Variants in MTHFD1L observed in about 807,000 individuals in gnomAD.
MTHFD1L encodes the protein monofunctional C1-tetrahydrofolate synthase, mitochondrial.
MTHFD1L carries 81 observed loss-of-function variants against 119.5 expected under a neutral mutation model. The ratio of observed to expected loss-of-function variants is 0.68; its 90% CI spans 0.57 to 0.82. The LOEUF (loss-of-function observed/expected upper bound fraction) is 0.82. Among genes scored for constraint, MTHFD1L ranks in the 40% least tolerant of loss-of-function variants. The probability of loss-of-function intolerance (pLI) is 0.00; values close to 1 mark genes in which losing one functional copy is unlikely to be tolerated. For synonymous variants in MTHFD1L, 430 were observed against 475.2 expected (o/e 0.90, Z 1.24); for missense variants, 1,125 against 1,253.4 (o/e 0.90, Z 1.55).
intron 26 of MTHFD1L, among the ~76,000 whole-genome samples, chr6:151,038,257 G>A (rs1396435761): frequency 6.6e-6 from 1 of 152,112 alleles, no homozygotes; most frequent in African/African-American, 2.4e-5. Flanking sequence ...TTATGCCTGG[G>A]GTAGAACTTA....
chr6:150,926,069 G>A lies in MTHFD1L; in HGVS notation c.1083-53G>A. 3 of 1,525,018 alleles carry A rather than the reference G, an allele frequency of 2.0e-6. No individual in the cohort carries two copies. In the Admixed American group the frequency reaches 5.6e-5, roughly 29 times the overall value. 94.5% of individuals were successfully genotyped at this position (1,525,018 alleles called of 1,614,324 possible). A position where few individuals can be genotyped will look rare whatever the true frequency, so the allele number is the denominator to read the frequency against. On this transcript the variant is annotated intron_variant, in intron 10 of 27. Transcript: ENST00000367321. The surrounding 1 kb of genome is among the most constrained non-coding windows in gnomAD (Gnocchi z 4.3). ...GTGTGGCTGTTTTCACTCCAGTTGT[G>A]ACCACCTAAGCTGAGAAGCCTTTTC...
intron 26 of MTHFD1L, among the ~76,000 whole-genome samples, chr6:151,049,263 A>G (rs560233224): frequency 1.6e-4 from 25 of 152,302 alleles, no homozygotes; most frequent in Non-Finnish European, 2.4e-4. Flanking sequence ...AGGCCGAGGC[A>G]GGCAGATCAC....
chr6:151,049,032 C>T (rs1788556307), intron 26 of MTHFD1L, among the ~76,000 whole-genome samples: 1 of 152,202 alleles, frequency 6.6e-6, no homozygotes, highest in East Asian at 1.9e-4. Context: ...AAATCCAGGC[C>T]ATGCATACTT....
chr6:150,909,497 C>T (rs1301157248), intron 8 of MTHFD1L, among the ~76,000 whole-genome samples: 1 of 152,164 alleles, frequency 6.6e-6, no homozygotes, highest in East Asian at 1.9e-4. Context: ...CCCGCCTCCA[C>T]CTCCAAAAAG....
chr6:150,958,362 A>G (rs1475880778), intron 17 of MTHFD1L, among the ~76,000 whole-genome samples: 1 of 152,190 alleles, frequency 6.6e-6, no homozygotes, highest in Non-Finnish European at 1.5e-5. Flanking sequence ...TTGCAGTTTC[A>G]GGCTATCACA....
At chr6:151,051,917 G>A (rs1381211509) in intron 26 of MTHFD1L, among the ~76,000 whole-genome samples, 1 of 152,250 alleles carries the variant, frequency 6.6e-6, no homozygotes, top group African/African-American at 2.4e-5. Flanking sequence ...GAGGCGGGAG[G>A]CCTGGAGAGG....
intron 17 of MTHFD1L, among the ~76,000 whole-genome samples, chr6:150,958,378 G>A (rs1795947200): frequency 1.3e-5 from 2 of 152,120 alleles, no homozygotes; most frequent in South Asian, 4.1e-4. Flanking sequence ...TCACAAGTAA[G>A]CTGTAGTAAG....
At chr6:150,867,794 CTT>C (rs35396368) in intron 1 of MTHFD1L, among the ~76,000 whole-genome samples, 12 of 115,912 alleles carry the variant, frequency 1.0e-4, no homozygotes, top group South Asian at 5.6e-4. Flanking sequence ...CATACATATT[CTT>C]TTTTTTTTTT....
chr6:150,999,564 GAATTT>G (rs1369192519), intron 20 of MTHFD1L, among the ~76,000 whole-genome samples: 1 of 152,106 alleles, frequency 6.6e-6, no homozygotes, highest in African/African-American at 2.4e-5. Context: ...ATGGATTTAT[GAATTT>G]AATTCTGATG....
chr6:150,877,220 T>A (rs913665457), intron 2 of MTHFD1L, among the ~76,000 whole-genome samples: 2 of 152,052 alleles, frequency 1.3e-5, no homozygotes, highest in African/African-American at 2.4e-5. Context: ...GCCGGGCTAA[T>A]GTTTGTATTT....
chr6:150,972,404 A>G (rs1798104133), intron 20 of MTHFD1L, among the ~76,000 whole-genome samples: 1 of 152,224 alleles, frequency 6.6e-6, no homozygotes, highest in African/African-American at 2.4e-5. Flanking sequence ...TAGGGTTGTT[A>G]TGAAAACTGA....
intron 21 of MTHFD1L, among the ~76,000 whole-genome samples, chr6:151,013,109 A>G (rs988659355): frequency 2.6e-5 from 4 of 152,208 alleles, no homozygotes; most frequent in Non-Finnish European, 5.9e-5. Flanking sequence ...GGCCAGGCAC[A>G]GTGTTTCACC....
At chr6:151,000,287 AGATCGT>A (rs1780425639) in intron 20 of MTHFD1L, among the ~76,000 whole-genome samples, 1 of 151,398 alleles carries the variant, frequency 6.6e-6, no homozygotes, top group Admixed American at 6.6e-5. Context: ...CAGTGAGCCG[AGATCGT>A]GCCACTGCAC....
At chr6:150,931,867 A>G (rs1301455139) in intron 11 of MTHFD1L, among the ~76,000 whole-genome samples, 1 of 152,228 alleles carries the variant, frequency 6.6e-6, no homozygotes, top group Non-Finnish European at 1.5e-5. Context: ...CATCTTTAAA[A>G]AGACATCATT....
In MTHFD1L at chr6:150,866,036, G is replaced by C; in HGVS notation, c.214G>C (p.Asp72His). 6.9e-7 allele frequency: 1 copy of C among 1,453,046 alleles called. No homozygotes were observed. The highest frequency in any genetic ancestry group is 9.0e-7 in the Non-Finnish European group (1 of 1,109,978). The allele number at this position is 1,453,046 out of a possible 1,614,324, so 90.0% of individuals were successfully genotyped here. ...CGGCGGCCGAACGCCCGCGGCGCGGGACTCCATCGTCAGGTGAGTGTCGGG... is the reference window on the plus strand; with the variant it reads ...CGGCGGCCGAACGCCCGCGGCGCGGCACTCCATCGTCAGGTGAGTGTCGGG... The part of the protein sequence containing the change: ...SPGGRTPAAR[D>H]SIVREVIQNS... The change falls in exon 1 of 28, where the codon GAC (aspartate) becomes CAC (histidine). Residue 72 changes from aspartate (D) to histidine (H), a missense_variant. Physicochemically the swap from Asp to His is moderately conservative, Grantham distance 81 (BLOSUM62 -1). This residue lies in a region of MTHFD1L where 1,058 missense variants were observed against 1,151.2 expected (regional missense o/e 0.92). Coordinates refer to ENST00000367321, the MANE Select transcript of MTHFD1L (RefSeq NM_015440.5).
In MTHFD1L at chr6:150,944,501, A is replaced by T; in HGVS notation, c.1456A>T (p.Thr486Ser). Residue 486 changes from threonine to serine, a missense_variant, in exon 14 of 28, where the codon ACT (threonine) becomes TCT (serine). Thr to Ser is a moderately conservative substitution (Grantham distance 58). Transcript: ENST00000367321. ...ATTTCTCTAGTTCAACCTTCACTTG[A>T]CTGGAGACATCCACGCCATCACCGC... Reference protein sequence around the residue: ...IPMEEFNLHLTGDIHAITAAN... With the variant: ...IPMEEFNLHLSGDIHAITAAN... 1 of 1,613,316 alleles carries T rather than the reference A, an allele frequency of 6.2e-7. No homozygotes were observed. Among genetic ancestry groups the T allele is most frequent in the Non-Finnish European group, 8.5e-7 (1 of 1,179,454 alleles).
chr6:151,023,793 G>A (rs930730910), intron 24 of MTHFD1L, among the ~76,000 whole-genome samples: 1 of 152,132 alleles, frequency 6.6e-6, no homozygotes, highest in African/African-American at 2.4e-5. Flanking sequence ...TATGAGAGAA[G>A]GTAAAATGAT....
At chr6:150,911,070 A>G (rs978171890) in intron 8 of MTHFD1L, among the ~76,000 whole-genome samples, 3 of 152,130 alleles carry the variant, frequency 2.0e-5, no homozygotes, top group Non-Finnish European at 4.4e-5. Flanking sequence ...AATTCTGGAT[A>G]TTCTAGATCT....
At chr6:150,958,398 A>T (rs1795950046) in intron 17 of MTHFD1L, among the ~76,000 whole-genome samples, 1 of 152,156 alleles carries the variant, frequency 6.6e-6, no homozygotes, top group Non-Finnish European at 1.5e-5. Flanking sequence ...GTATACACAT[A>T]TATTTGTGTG....
Sources: gnomAD v4.1 joint callset for allele counts (sites outside exome capture counted in the v4.1 genomes callset) on GRCh38, gnomAD v4.1.1 for gene constraint, gnomAD v4.1.1 regional missense constraint, Gnocchi (gnomAD v3.1) non-coding constraint, MANE v1.5 for transcripts, NCBI Gene and HGNC (gene_info 2026-07-23, HGNC 2026-07-21) for gene names.